The following VPS13C variants were observed in gnomAD, a reference collection of about 807,000 sequenced individuals.
The protein encoded by VPS13C is intermembrane lipid transfer protein VPS13C.
A neutral mutation model predicts 456.8 loss-of-function variants in VPS13C; 358 were observed. The observed-to-expected ratio is 0.78, with a 90% CI of 0.72 to 0.86. The LOEUF (loss-of-function observed/expected upper bound fraction) is 0.86. Ranked by LOEUF, VPS13C falls within the 40% of genes least tolerant of loss-of-function variation. The pLI is 0.00. For synonymous variants in VPS13C, 1,578 were observed against 1,486.7 expected (o/e 1.06, Z -1.41); for missense variants, 4,818 against 4,385.4 (o/e 1.10, Z -2.79).
At chr15:62,011,133 T>G (rs552027671) in intron 12 of VPS13C, among the ~76,000 whole-genome samples, 1 of 152,012 alleles carries the variant, frequency 6.6e-6, no homozygotes, top group African/African-American at 2.4e-5. Flanking sequence ...AATCTTCAAG[T>G]TGAGAAGTAA....
intron 66 of VPS13C, among the ~76,000 whole-genome samples, chr15:61,899,001 C>A (rs1383793656): frequency 1.2e-5 from 1 of 84,278 alleles, no homozygotes; most frequent in African/African-American, 4.3e-5. Context: ...TCCTGAATGA[C>A]TACTGGGTAC....
rs529255657 is a variant in VPS13C, at chr15:61,917,634, A to C, written c.7762T>G (p.Cys2588Gly). ...EFHVPLDSYR[C>G]QLFIQPAGIL... ...CCAGCTGGCTGGATAAACAATTGAC[A>C]TCTGCAGAAAGAGGAAACAGTGACA... Residue 2588 changes from cysteine (C) to glycine (G), a missense_variant and splice_region_variant, in exon 60 of 85, where the codon TGT (cysteine) becomes GGT (glycine). Cys to Gly is a radical substitution (Grantham distance 159). Around this residue, in one of 3 missense-constraint regions of VPS13C, gnomAD observed 4,552 missense variants for 4,130.6 expected, o/e 1.10. Coordinates refer to ENST00000644861, the MANE Select transcript of VPS13C (RefSeq NM_020821.3). 2.5e-6 allele frequency: 4 copies of C among 1,608,318 alleles called. No homozygotes were observed. The highest frequency in any genetic ancestry group is 1.7e-5 in the Admixed American group (1 of 59,792).
At position 61,989,205 on chromosome 15, in the gene VPS13C, A is replaced by G. The variant is rs575015558; in HGVS notation, c.1578+1795T>C. ...CAGGAGTTTGAGACCAGCCTGGGCA[A>G]TGTGGCAAAACCCTGTCTCTACAAA... is the stretch of plus-strand genomic sequence containing the variant. On this transcript the variant is annotated intron_variant, in intron 18 of 84. Coordinates refer to ENST00000644861, the MANE Select transcript of VPS13C (RefSeq NM_020821.3). Among the ~76,000 whole-genome samples the G allele has an allele frequency of 4.0e-3, 605 of 151,702 alleles. 2 individuals are homozygous for G. Among genetic ancestry groups the G allele is most frequent in the Non-Finnish European group, 5.0e-3 (338 of 67,886 alleles).
chr15:62,023,871 G>A, intron 6 of VPS13C, 26 bp from the exon 7 acceptor site: 1 of 1,595,480 alleles, frequency 6.3e-7, no homozygotes, highest in Non-Finnish European at 8.6e-7. Flanking sequence ...ATTTTAGTGA[G>A]AAAAGGATAA....
rs2044238968 is a variant in VPS13C, at chr15:61,936,719, A to T, written c.5633T>A (p.Leu1878Ter). 1 of 1,613,234 alleles carries T rather than the reference A, an allele frequency of 6.2e-7. No individual in the cohort carries two copies. Among genetic ancestry groups the T allele is most frequent in the Non-Finnish European group, 8.5e-7 (1 of 1,179,676 alleles). The change falls in exon 48 of 85, where the codon TTA becomes TAA. Residue 1878 changes from leucine (L) to a stop codon, truncating the protein, a stop_gained. Transcript: ENST00000644861. LOFTEE classifies it high-confidence loss of function. ...VALSEDDLTV[L>*]MKILLENLGE... Reference sequence around the variant, plus strand: ...AAGATTTTCTAGCAAAATTTTCATTAAAACTGTCAAGTCATCTTCACTGAG... The same window carrying T: ...AAGATTTTCTAGCAAAATTTTCATTTAAACTGTCAAGTCATCTTCACTGAG...
chr15:61,933,961 A>C (rs2140233299), intron 49 of VPS13C, among the ~76,000 whole-genome samples: 1 of 152,244 alleles, frequency 6.6e-6, no homozygotes, highest in East Asian at 1.9e-4. Flanking sequence ...GTTGGTAATA[A>C]ATCAAAATGT....
chr15:61,940,329 C>A lies in VPS13C; in HGVS notation c.5601+318G>T, dbSNP rs143399905. 4.4e-3 allele frequency among the ~76,000 whole-genome samples: 675 copies of A among 152,318 alleles called. 6 individuals carry two copies. Among genetic ancestry groups the A allele is most frequent in the African/African-American group, 0.016 (658 of 41,584 alleles). ...TAGTACACTCCAACAGATTTTATCT[C>A]AGACTCCTTGCTGGTTTTACCAAAT... On this transcript the variant is annotated intron_variant, in intron 47 of 84. Transcript: ENST00000644861.
intron 21 of VPS13C, 57 bp downstream of exon 21, chr15:61,982,402 G>C (rs2045913992): frequency 7.4e-7 from 1 of 1,348,808 alleles, no homozygotes. Flanking sequence ...GTTTACATTA[G>C]AGTAGGCAAA....
intron 9 of VPS13C, among the ~76,000 whole-genome samples, chr15:62,015,161 G>C (rs542249741): frequency 7.2e-5 from 11 of 152,078 alleles, no homozygotes; most frequent in Non-Finnish European, 1.3e-4. Flanking sequence ...ACAGTTTTCT[G>C]GAACAATTCT....
intron 1 of VPS13C, among the ~76,000 whole-genome samples, chr15:62,057,283 T>C (rs367736884): frequency 8.1e-4 from 123 of 152,346 alleles, no homozygotes; most frequent in African/African-American, 2.9e-3. Context: ...TTATATAGAA[T>C]TTTCAATTTT....
Position 62,010,473 on chromosome 15 carries a change from T to C in VPS13C, c.1010A>G (p.Gln337Arg). The change falls in exon 13 of 85, where the codon CAG (glutamine) becomes CGG (arginine). Residue 337 changes from glutamine to arginine, a missense_variant and splice_region_variant. By Grantham distance (43) the Gln-to-Arg change is conservative. Around this residue, in one of 3 missense-constraint regions of VPS13C, gnomAD observed 4,552 missense variants for 4,130.6 expected, o/e 1.10. Coordinates refer to ENST00000644861, the MANE Select transcript of VPS13C (RefSeq NM_020821.3). Reference sequence around the variant, plus strand: ...TGGAAATATCCACATGAATCATACCTGAGGTTTGGTCAGTTCAATGGCAAT... The same window carrying C: ...TGGAAATATCCACATGAATCATACCCGAGGTTTGGTCAGTTCAATGGCAAT... ...QNIAIELTKP[Q>R]YLSMIDLLES... 6.2e-7 allele frequency: 1 copy of C among 1,601,570 alleles called. No individual in the cohort carries two copies. The highest frequency in any genetic ancestry group is 2.3e-5 in the East Asian group (1 of 44,238).
At chr15:62,045,768 G>A (rs2048380329) in intron 1 of VPS13C, among the ~76,000 whole-genome samples, 1 of 152,092 alleles carries the variant, frequency 6.6e-6, no homozygotes, top group Non-Finnish European at 1.5e-5. Flanking sequence ...GGACAGAAGA[G>A]GGGAGGAAAG....
Position 62,007,360 on chromosome 15 carries a change from T to C in VPS13C, c.1238A>G (p.Lys413Arg), listed in dbSNP as rs111509288. Residue 413 changes from lysine to arginine, a missense_variant, in exon 15 of 85, where the codon AAA becomes AGA. Coordinates refer to ENST00000644861, the MANE Select transcript of VPS13C (RefSeq NM_020821.3). ...GACTTTAGACTGTGTTAACTTGTTTTTGTAGGCAATTTTATAACTCTTGAG... is the reference window on the plus strand; with the variant it reads ...GACTTTAGACTGTGTTAACTTGTTTCTGTAGGCAATTTTATAACTCTTGAG... ...QLLKSYKIAY[K>R]NKLTQSKVSE... is the part of the protein sequence containing the mutation. 9.9e-6 allele frequency: 16 copies of C among 1,612,770 alleles called. No homozygotes were observed. In the African/African-American group the frequency reaches 1.3e-4, roughly 13 times the overall value.
chr15:61,867,526 A>G lies in VPS13C; in HGVS notation c.10863+1133T>C. The stretch of plus-strand genomic sequence containing the variant: ...AAAGCTATGTAATTCCATCATCAAG[A>G]CTCACAAACATAAACATATTAATTG... On this transcript the variant is annotated intron_variant, in intron 81 of 84. Transcript: ENST00000644861. This position sits in a 1 kb window ranked among gnomAD's most constrained non-coding sequence, Gnocchi z 5.0. 4 of 994,966 alleles carry G rather than the reference A, an allele frequency of 4.0e-6. No individual in the cohort carries two copies. The highest frequency in any genetic ancestry group is 4.8e-6 in the Non-Finnish European group (4 of 836,838). 61.6% of individuals were successfully genotyped at this position (994,966 alleles called of 1,614,324 possible).
chr15:61,932,455 T>C (rs985605392), intron 49 of VPS13C, among the ~76,000 whole-genome samples: 1 of 151,870 alleles, frequency 6.6e-6, no homozygotes, highest in Admixed American at 6.6e-5. Flanking sequence ...TTTTCATGTA[T>C]AGAAAAATGG....
At chr15:62,011,852 T>C (rs183092146) in intron 12 of VPS13C, among the ~76,000 whole-genome samples, 56 of 152,000 alleles carry the variant, frequency 3.7e-4, no homozygotes, top group Non-Finnish European at 7.7e-4. Flanking sequence ...GAAGAATACA[T>C]GGAATTCAAA....
At chr15:61,915,294 A>G (rs1034011820) in intron 61 of VPS13C, among the ~76,000 whole-genome samples, 5 of 152,202 alleles carry the variant, frequency 3.3e-5, no homozygotes, top group African/African-American at 1.2e-4. Context: ...CTCAACTAAT[A>G]TATGCCAAAT....
intron 61 of VPS13C, 59 bp from the exon 62 acceptor site, chr15:61,913,474 T>G: frequency 6.8e-7 from 1 of 1,465,428 alleles, no homozygotes; most frequent in Non-Finnish European, 9.4e-7. Context: ...ATAATTTTAT[T>G]TGAGAGAAAG....
Position 62,017,975 on chromosome 15 carries a change from G to T in VPS13C, c.684+2504C>A, listed in dbSNP as rs2047318983. ...CTTTTATTTCATTGAGCAGTGGTTT[G>T]TAGTTCTCCTTGAAGAGGTCCTTCA... On this transcript the variant is annotated intron_variant, in intron 9 of 84. Transcript: ENST00000644861. 2.6e-5 allele frequency among the ~76,000 whole-genome samples: 4 copies of T among 152,280 alleles called. No individual in the cohort carries two copies. In the South Asian group the frequency reaches 8.3e-4, roughly 32 times the overall value.
Sources: allele counts gnomAD v4.1 joint callset (sites outside exome capture counted in the v4.1 genomes callset), GRCh38; gene constraint gnomAD v4.1.1; regional missense constraint gnomAD v4.1.1; non-coding constraint Gnocchi (gnomAD v3.1); transcripts MANE v1.5; gene names NCBI Gene and HGNC (gene_info 2026-07-23, HGNC 2026-07-21).